KLHL1: variants seen among roughly 807,000 people sequenced by gnomAD.
KLHL1 encodes kelch-like protein 1.
KLHL1 carries 47 observed loss-of-function variants against 77.7 expected under a neutral mutation model. The ratio of observed to expected loss-of-function variants is 0.60; its 90% CI spans 0.48 to 0.77. The LOEUF (loss-of-function observed/expected upper bound fraction) is 0.77, where lower values mean the gene tolerates loss of function less well. Ranked by LOEUF, KLHL1 falls within the 30% of genes least tolerant of loss-of-function variation. KLHL1 has a pLI of 0.00. For synonymous variants in KLHL1, 360 were observed against 325.2 expected (o/e 1.11, Z -1.15); for missense variants, 925 against 910.8 (o/e 1.02, Z -0.20).
chr13:69,956,937 G>A (rs895893650), intron 3 of KLHL1, among the ~76,000 whole-genome samples: 1 of 151,632 alleles, frequency 6.6e-6, no homozygotes, highest in Non-Finnish European at 1.5e-5. Context: ...AATATCTGAA[G>A]TTCTAGACAT....
chr13:69,850,314 CT>C (rs935673360), intron 5 of KLHL1, among the ~76,000 whole-genome samples: 5 of 151,342 alleles, frequency 3.3e-5, no homozygotes, highest in African/African-American at 1.2e-4. Context: ...CTACTTCAAA[CT>C]TTTTTTTGAG....
intron 1 of KLHL1, among the ~76,000 whole-genome samples, chr13:70,017,710 A>G (rs1885693353): frequency 6.6e-6 from 1 of 152,250 alleles, no homozygotes; most frequent in African/African-American, 2.4e-5. Flanking sequence ...TACTATCACG[A>G]GCACAAAATC....
At chr13:69,822,197 CAA>C (rs35346749) in intron 6 of KLHL1, among the ~76,000 whole-genome samples, 9 of 78,360 alleles carry the variant, frequency 1.1e-4, no homozygotes, top group East Asian at 5.2e-4. Context: ...GACTCCATCT[CAA>C]AAAAAAAAAA....
At chr13:69,792,465 G>C (rs912176588) in intron 7 of KLHL1, among the ~76,000 whole-genome samples, 4 of 152,122 alleles carry the variant, frequency 2.6e-5, no homozygotes, top group African/African-American at 9.7e-5. Context: ...ACAGAAAATG[G>C]TGCAGCCACT....
chr13:69,777,759 C>A (rs1164501425), intron 7 of KLHL1, among the ~76,000 whole-genome samples: 6 of 152,072 alleles, frequency 3.9e-5, no homozygotes, highest in Non-Finnish European at 8.8e-5. Context: ...GATCAGAGCA[C>A]CCTTACTCAT....
intron 6 of KLHL1, among the ~76,000 whole-genome samples, chr13:69,837,280 T>TA (rs1161484418): frequency 4.6e-5 from 7 of 151,754 alleles, no homozygotes; most frequent in South Asian, 2.1e-4. Context: ...GCATTATTTA[T>TA]AAAAAAATTA....
intron 3 of KLHL1, among the ~76,000 whole-genome samples, chr13:69,953,847 G>A (rs1883787481): frequency 6.6e-6 from 1 of 151,160 alleles, no homozygotes; most frequent in Admixed American, 6.6e-5. Context: ...TCTTATGAAG[G>A]ATTGTGAAAA....
At chr13:69,770,711 A>G (rs116075255) in intron 7 of KLHL1, among the ~76,000 whole-genome samples, 462 of 152,304 alleles carry the variant, frequency 3.0e-3, no homozygotes, top group African/African-American at 0.01. Context: ...TCTCTGCTCT[A>G]CAATAGAATA....
chr13:69,741,807 G>A (rs533700037), intron 7 of KLHL1, among the ~76,000 whole-genome samples: 3 of 152,252 alleles, frequency 2.0e-5, no homozygotes, highest in African/African-American at 4.8e-5. Context: ...TCAAGGACTC[G>A]GGAGCTGCAG....
intron 9 of KLHL1, among the ~76,000 whole-genome samples, chr13:69,717,386 A>G (rs1340406949): frequency 1.3e-5 from 2 of 152,178 alleles, no homozygotes; most frequent in Non-Finnish European, 2.9e-5. Context: ...TAAAAAGTGC[A>G]AAAGTGCTAT....
chr13:69,831,392 A>C (rs1033013776), intron 6 of KLHL1, among the ~76,000 whole-genome samples: 2 of 150,070 alleles, frequency 1.3e-5, no homozygotes, highest in African/African-American at 5.0e-5. Flanking sequence ...CCTATATTAA[A>C]CCAGGAAGAA....
intron 1 of KLHL1, among the ~76,000 whole-genome samples, chr13:70,036,835 C>CTTTTTTTTTTTTTT (rs5804467): frequency 2.0e-5 from 1 of 50,684 alleles, no homozygotes; most frequent in Non-Finnish European, 3.6e-5. Flanking sequence ...ATGCCATGGT[C>CTTTTTTTTTTTTTT]TTTTTTTTTT....
intron 4 of KLHL1, among the ~76,000 whole-genome samples, chr13:69,915,575 C>T (rs1004638532): frequency 6.6e-6 from 1 of 152,132 alleles, no homozygotes; most frequent in African/African-American, 2.4e-5. Context: ...TTCCTTACAC[C>T]TTATACAAAA....
intron 1 of KLHL1, among the ~76,000 whole-genome samples, chr13:70,034,572 TTC>T (rs1421104243): frequency 6.6e-6 from 1 of 152,194 alleles, no homozygotes; most frequent in East Asian, 1.9e-4. Context: ...GAGAAAAAAG[TTC>T]TCTTGTCAGA....
chr13:69,751,104 A>G (rs1236592171), intron 7 of KLHL1, among the ~76,000 whole-genome samples: 2 of 124,700 alleles, frequency 1.6e-5, no homozygotes, highest in African/African-American at 3.4e-5. Context: ...CATTCATGTC[A>G]TGTGTGTATG....
intron 6 of KLHL1, among the ~76,000 whole-genome samples, chr13:69,803,360 G>A (rs1325970742): frequency 6.6e-6 from 1 of 152,046 alleles, no homozygotes; most frequent in Non-Finnish European, 1.5e-5. Flanking sequence ...GTTAACACCT[G>A]GTACATCCAC....
intron 7 of KLHL1, among the ~76,000 whole-genome samples, chr13:69,777,416 AATT>A (rs1419739191): frequency 2.0e-5 from 3 of 152,154 alleles, no homozygotes; most frequent in African/African-American, 7.2e-5. Flanking sequence ...ATTTTAATTG[AATT>A]ATTATCTTAA....
intron 1 of KLHL1, among the ~76,000 whole-genome samples, chr13:70,101,963 A>AAC (rs767427076): frequency 6.6e-6 from 1 of 151,812 alleles, no homozygotes; most frequent in African/African-American, 2.4e-5. Flanking sequence ...AAAAAAAAAA[A>AAC]CAAAGTAAAA....
intron 3 of KLHL1, among the ~76,000 whole-genome samples, chr13:69,941,209 A>T (rs1883356140): frequency 6.6e-6 from 1 of 152,080 alleles, no homozygotes; most frequent in African/African-American, 2.4e-5. Flanking sequence ...ACCAGGAACA[A>T]GTCTCAATCA....
Sources: gnomAD v4.1 joint callset for allele counts (sites outside exome capture counted in the v4.1 genomes callset) on GRCh38, gnomAD v4.1.1 for gene constraint, MANE v1.5 for transcripts, NCBI Gene and HGNC (gene_info 2026-07-23, HGNC 2026-07-21) for gene names.